NFASC: variants seen among roughly 807,000 people sequenced by gnomAD.
The protein encoded by NFASC is neurofascin homolog.
A neutral mutation model predicts 147.5 loss-of-function variants in NFASC; 43 were observed. That is an observed-to-expected ratio of 0.29 (90% CI 0.23 to 0.38). The LOEUF (loss-of-function observed/expected upper bound fraction) is 0.38. Among genes scored for constraint, NFASC ranks in the 10% least tolerant of loss-of-function variants. The pLI is 1.00. For synonymous variants in NFASC, 622 were observed against 665.5 expected (o/e 0.93, Z 1.01); for missense variants, 1,320 against 1,689.0 (o/e 0.78, Z 3.83).
Position 204,987,436 on chromosome 1 carries a change from G to A in NFASC, c.2489G>A (p.Arg830His), listed in dbSNP as rs762878608. The A allele has an allele frequency of 2.4e-5, 38 of 1,613,660 alleles. No homozygotes were observed. The highest frequency in any genetic ancestry group is 4.5e-5 in the East Asian group (2 of 44,870). The change falls in exon 22 of 30, where the codon CGT becomes CAT. Residue 830 changes from arginine (R) to histidine (H), a missense_variant. Coordinates refer to ENST00000339876, the MANE Select transcript of NFASC (RefSeq NM_001005388.3). The surrounding 1 kb of genome is among the most constrained non-coding windows in gnomAD (Gnocchi z 4.4). ...CCCCAAGTACCCAGTGCCCCTAGGC[G>A]TTTCCGAGTCCGGCAGCCCAACCTG... ...SGEDLPSAPR[R>H]FRVRQPNLET... is the part of the protein sequence containing the mutation.
intron 2 of NFASC, 119 bp from the exon 3 acceptor site, chr1:204,944,107 T>G: frequency 1.2e-6 from 1 of 849,802 alleles, no homozygotes; most frequent in Non-Finnish European, 1.8e-6. Flanking sequence ...AACTCTGCTC[T>G]ATCTAGAACA....
In NFASC at chr1:204,944,308, T is replaced by G. The variant is rs747126326; in HGVS notation, c.-8T>G. ...CTGGGGAGCAGGGAGCAGGGCCAGG[T>G]GCCGAGGATGGCCAGGCAGCCACCG... is the stretch of plus-strand genomic sequence containing the variant. On this transcript the variant is annotated 5_prime_UTR_variant, in exon 3 of 30. Coordinates refer to ENST00000339876, the MANE Select transcript of NFASC (RefSeq NM_001005388.3). 6.2e-7 allele frequency: 1 copy of G among 1,612,730 alleles called. No individual in the cohort carries two copies. The highest frequency in any genetic ancestry group is 8.5e-7 in the Non-Finnish European group (1 of 1,179,658).
At position 204,986,581 on chromosome 1, in the gene NFASC, T is replaced by C. The variant is rs145435003; in HGVS notation, c.2471-837T>C. On this transcript the variant is annotated intron_variant, in intron 21 of 29. Transcript: ENST00000339876. This position sits in a 1 kb window ranked among gnomAD's most constrained non-coding sequence, Gnocchi z 4.2. The stretch of plus-strand genomic sequence containing the variant: ...GGCTCTGCAGAGGGATACCCAAGTA[T>C]AGCCCCGCCTTCTGCAGGCCTATGG... 4.5e-4 allele frequency: 83 copies of C among 183,598 alleles called. No individual in the cohort carries two copies. Among genetic ancestry groups the C allele is most frequent in the Non-Finnish European group, 7.6e-4 (65 of 85,670 alleles). The allele number at this position is 183,598 out of a possible 1,614,324, so 11.4% of individuals were successfully genotyped here.
intron 21 of NFASC, among the ~76,000 whole-genome samples, chr1:204,985,184 G>A (rs1253140930): frequency 6.6e-6 from 1 of 152,156 alleles, no homozygotes; most frequent in Non-Finnish European, 1.5e-5. Flanking sequence ...GTGGCCAACT[G>A]ACCTGTGGCT....
chr1:205,019,824 T>A lies in NFASC; in HGVS notation c.*3285T>A, dbSNP rs539615203. ...TGCTCTGCCTCTTGGGGCAAGCTCCTTAACCTGTCTGTATTTTTATGCCTC... is the reference window on the plus strand; with the variant it reads ...TGCTCTGCCTCTTGGGGCAAGCTCCATAACCTGTCTGTATTTTTATGCCTC... On this transcript the variant is annotated 3_prime_UTR_variant, in exon 30 of 30. Coordinates refer to ENST00000339876, the MANE Select transcript of NFASC (RefSeq NM_001005388.3). 6.6e-6 allele frequency: 1 copy of A among 152,412 alleles called. No individual in the cohort carries two copies. The highest frequency in any genetic ancestry group is 1.9e-4 in the East Asian group (1 of 5,184). The allele number at this position is 152,412 out of a possible 1,614,324, so 9.4% of individuals were successfully genotyped here.
rs1396099014 is a variant in NFASC, at chr1:204,970,715, T to C, written c.1103T>C (p.Val368Ala). 1 of 1,614,048 alleles carries C rather than the reference T, an allele frequency of 6.2e-7. No individual in the cohort carries two copies. The highest frequency in any genetic ancestry group is 8.5e-7 in the Non-Finnish European group (1 of 1,180,010). The stretch of plus-strand genomic sequence containing the variant: ...GCCAATGGAAACCCCAAACCCACTG[T>C]CCAGTGGATGGTGAATGGGGAACCT... ...CRANGNPKPT[V>A]QWMVNGEPLQ... is the part of the protein sequence containing the mutation. The change falls in exon 11 of 30, where the codon GTC (valine) becomes GCC (alanine). Residue 368 changes from valine to alanine, a missense_variant. Val to Ala is a moderately conservative substitution (Grantham distance 64). Transcript: ENST00000339876.
At chr1:204,847,677 C>G (rs913046730) in intron 1 of NFASC, among the ~76,000 whole-genome samples, 2 of 152,198 alleles carry the variant, frequency 1.3e-5, no homozygotes, top group African/African-American at 4.8e-5. Context: ...GCCATTCCCC[C>G]TCCTCTACCT....
intron 20 of NFASC, among the ~76,000 whole-genome samples, 163 bp from the exon 21 acceptor site, chr1:204,981,635 G>A (rs1455216770): frequency 1.3e-5 from 2 of 152,216 alleles, no homozygotes; most frequent in Non-Finnish European, 2.9e-5. Context: ...GCTTTTGGGG[G>A]ACTCACTGGG....
chr1:204,897,551 C>G (rs1269425138), intron 1 of NFASC, among the ~76,000 whole-genome samples: 1 of 151,696 alleles, frequency 6.6e-6, no homozygotes, highest in South Asian at 2.1e-4. Context: ...ATCCAGTGCT[C>G]TAATTCTAAA....
intron 1 of NFASC, among the ~76,000 whole-genome samples, chr1:204,885,495 T>C (rs542647769): frequency 1.3e-5 from 2 of 152,344 alleles, no homozygotes; most frequent in South Asian, 4.1e-4. Flanking sequence ...CACTGGACTT[T>C]GTGGGATGCT....
intron 1 of NFASC, among the ~76,000 whole-genome samples, chr1:204,833,627 A>G (rs1672869989): frequency 6.6e-6 from 1 of 152,254 alleles, no homozygotes; most frequent in African/African-American, 2.4e-5. Flanking sequence ...AATAGAAGAA[A>G]TAAGACTGAG....
chr1:204,879,347 G>T (rs1250501788), intron 1 of NFASC, among the ~76,000 whole-genome samples: 2 of 152,150 alleles, frequency 1.3e-5, no homozygotes, highest in East Asian at 3.9e-4. Context: ...CGTCTCCCCC[G>T]CAAAACAGTC....
intron 1 of NFASC, among the ~76,000 whole-genome samples, chr1:204,901,533 A>G (rs1310168094): frequency 6.6e-6 from 1 of 152,154 alleles, no homozygotes; most frequent in African/African-American, 2.4e-5. Flanking sequence ...GAGGTCATGG[A>G]TGACCTTGAC....
chr1:204,987,201 G>GTC lies in NFASC; in HGVS notation c.2471-217_2471-216insTC. On this transcript the variant is annotated intron_variant, in intron 21 of 29. Transcript: ENST00000339876. The surrounding 1 kb of genome is among the most constrained non-coding windows in gnomAD (Gnocchi z 4.4). ...CTTCCTCTCTTAAATAGCAGAGTCT[G>GTC]AGCTATGTTTGTCCTCAGACCTGAA... The GTC allele has an allele frequency of 1.7e-6, 1 of 574,222 alleles. No individual in the cohort carries two copies. The highest frequency in any genetic ancestry group is 3.1e-6 in the Non-Finnish European group (1 of 323,016). 35.6% of individuals were successfully genotyped at this position (574,222 alleles called of 1,614,324 possible). A position where few individuals can be genotyped will look rare whatever the true frequency, so the allele number is the denominator to read the frequency against.
chr1:205,005,487 C>T (rs1259693432), intron 27 of NFASC, among the ~76,000 whole-genome samples: 5 of 152,146 alleles, frequency 3.3e-5, no homozygotes, highest in East Asian at 1.9e-4. Context: ...TTCTGGCTCC[C>T]GTCAGTTACA....
chr1:204,949,376 G>C (rs535584608), intron 3 of NFASC, among the ~76,000 whole-genome samples: 1 of 152,182 alleles, frequency 6.6e-6, no homozygotes, highest in African/African-American at 2.4e-5. Flanking sequence ...AAGTAGGAAG[G>C]CTTCAAAGTC....
intron 1 of NFASC, among the ~76,000 whole-genome samples, chr1:204,836,912 A>C (rs1673952135): frequency 6.6e-6 from 1 of 152,240 alleles, no homozygotes; most frequent in South Asian, 2.1e-4. Flanking sequence ...ATCTGCAGTT[A>C]TTATTTGAAG....
intron 20 of NFASC, 105 bp downstream of exon 20, chr1:204,980,545 A>T: frequency 1.2e-6 from 1 of 837,726 alleles, no homozygotes; most frequent in Non-Finnish European, 1.9e-6. Context: ...TGTGGTTCAG[A>T]CTCTCTGGCT....
intron 1 of NFASC, among the ~76,000 whole-genome samples, chr1:204,912,248 T>C (rs1427879320): frequency 6.6e-6 from 1 of 151,966 alleles, no homozygotes; most frequent in Admixed American, 6.6e-5. Flanking sequence ...TTGAGGTGTT[T>C]CCTGTTTTCT....
Sources: gnomAD v4.1 joint callset for allele counts (sites outside exome capture counted in the v4.1 genomes callset) on GRCh38, gnomAD v4.1.1 for gene constraint, Gnocchi (gnomAD v3.1) non-coding constraint, MANE v1.5 for transcripts, NCBI Gene and HGNC (gene_info 2026-07-23, HGNC 2026-07-21) for gene names.